GRM7: variants seen among roughly 807,000 people sequenced by gnomAD.
GRM7 encodes the protein glutamate metabotropic receptor 7, also known as metabotropic glutamate receptor 7.
Under a neutral mutation model 84.5 loss-of-function variants are expected in GRM7, and 35 were observed. The ratio of observed to expected loss-of-function variants is 0.41; its 90% CI spans 0.32 to 0.55. The LOEUF (loss-of-function observed/expected upper bound fraction) is 0.55, where lower values mean the gene tolerates loss of function less well. GRM7 is among the 20% of genes least tolerant of loss of function. The pLI is 0.19. For synonymous variants in GRM7, 487 were observed against 455.1 expected, an observed-to-expected ratio of 1.07 and a Z score of -0.89; for missense variants, 1,003 against 1,194.6, an observed-to-expected ratio of 0.84 and a Z score of 2.36.
At chr3:7,035,888 T>C (rs981491754) in intron 1 of GRM7, among the ~76,000 whole-genome samples, 4 of 152,248 alleles carry the variant, frequency 2.6e-5, no homozygotes, top group African/African-American at 9.6e-5. Flanking sequence ...TAAACTTAAA[T>C]TGGTATTTTA....
chr3:7,370,919 CAGTA>C (rs1397707944), intron 4 of GRM7, among the ~76,000 whole-genome samples: 1 of 152,146 alleles, frequency 6.6e-6, no homozygotes, highest in African/African-American at 2.4e-5. Context: ...ATTCAGGATT[CAGTA>C]AATTAATCTA....
chr3:7,689,800 G>GTCAA (rs1266314043), intron 9 of GRM7, among the ~76,000 whole-genome samples: 3 of 152,082 alleles, frequency 2.0e-5, no homozygotes, highest in African/African-American at 7.2e-5. Flanking sequence ...CTTAAATTGG[G>GTCAA]TCAATCAAAG....
chr3:7,194,230 T>C (rs1297672257), intron 2 of GRM7, among the ~76,000 whole-genome samples: 1 of 151,982 alleles, frequency 6.6e-6, no homozygotes, highest in Non-Finnish European at 1.5e-5. Flanking sequence ...GTACACAGAG[T>C]CAATCCTTTC....
chr3:7,474,247 T>G (rs961550982), intron 7 of GRM7, among the ~76,000 whole-genome samples: 2 of 152,176 alleles, frequency 1.3e-5, no homozygotes, highest in South Asian at 2.1e-4. Context: ...ATTCTTCTGT[T>G]GAAATTACAG....
intron 9 of GRM7, among the ~76,000 whole-genome samples, chr3:7,731,343 A>T (rs901025356): frequency 6.6e-6 from 1 of 152,232 alleles, no homozygotes; most frequent in Non-Finnish European, 1.5e-5. Flanking sequence ...AAGTTCCCAC[A>T]TATTTTTCTT....
At chr3:7,531,625 A>C (rs1701039929) in intron 7 of GRM7, among the ~76,000 whole-genome samples, 1 of 152,078 alleles carries the variant, frequency 6.6e-6, no homozygotes, top group Non-Finnish European at 1.5e-5. Context: ...GGTGTATAGG[A>C]ATGCTTGTGA....
At chr3:7,537,800 A>G (rs1374788863) in intron 7 of GRM7, among the ~76,000 whole-genome samples, 1 of 152,202 alleles carries the variant, frequency 6.6e-6, no homozygotes, top group Non-Finnish European at 1.5e-5. Flanking sequence ...ATGCAGATGT[A>G]TATCTTCAGA....
At chr3:7,014,316 TTTTA>T (rs555839500) in intron 1 of GRM7, among the ~76,000 whole-genome samples, 11 of 152,092 alleles carry the variant, frequency 7.2e-5, no homozygotes, top group Non-Finnish European at 7.4e-5. Context: ...ATTAGTAATA[TTTTA>T]TTTATTTATT....
intron 1 of GRM7, among the ~76,000 whole-genome samples, chr3:7,055,854 A>G (rs1433245505): frequency 2.0e-5 from 3 of 151,912 alleles, no homozygotes; most frequent in Middle Eastern, 3.2e-3. Context: ...TACTGAATAT[A>G]TACACACTCA....
At chr3:7,187,333 T>C (rs1272416107) in intron 2 of GRM7, among the ~76,000 whole-genome samples, 1 of 152,196 alleles carries the variant, frequency 6.6e-6, no homozygotes, top group Admixed American at 6.5e-5. Flanking sequence ...TGCTCAGATT[T>C]CTATAAGTAG....
intron 9 of GRM7, among the ~76,000 whole-genome samples, chr3:7,726,625 A>C (rs1156390812): frequency 0.035 from 1,597 of 46,114 alleles, 118 homozygotes; most frequent in African/African-American, 0.13. Flanking sequence ...ATATATATAT[A>C]TATATATATA....
intron 4 of GRM7, among the ~76,000 whole-genome samples, chr3:7,312,860 C>A (rs1332441470): frequency 6.6e-6 from 1 of 152,118 alleles, no homozygotes; most frequent in South Asian, 2.1e-4. Flanking sequence ...TGTGATTGTC[C>A]CAGCCAAACC....
In GRM7 at chr3:7,525,932, C is replaced by T. The variant is rs528633496; in HGVS notation, c.1516-52490C>T. On this transcript the variant is annotated intron_variant, in intron 7 of 9. Transcript: ENST00000357716. ...ATAGTATTCCATGGCATATATGTTA[C>T]GTACCGCAGTTTTTAATCCAATCCA... Among the ~76,000 whole-genome samples, 28 of 152,160 alleles carry T rather than the reference C, an allele frequency of 1.8e-4. No individual in the cohort carries two copies. In the South Asian group the frequency reaches 2.1e-3, roughly 11 times the overall value.
intron 4 of GRM7, among the ~76,000 whole-genome samples, chr3:7,361,387 T>G (rs1209758881): frequency 6.6e-6 from 1 of 152,152 alleles, no homozygotes; most frequent in African/African-American, 2.4e-5. Context: ...ATCTTTGCTT[T>G]ATGTCCTAAC....
At chr3:7,316,187 G>A (rs1343429420) in intron 4 of GRM7, among the ~76,000 whole-genome samples, 3 of 152,076 alleles carry the variant, frequency 2.0e-5, no homozygotes, top group Non-Finnish European at 4.4e-5. Context: ...TGAGGAAGAG[G>A]GAGATGAAGT....
chr3:7,460,125 A>AAAAAAAAAAAT (rs1250538408), intron 6 of GRM7, among the ~76,000 whole-genome samples: 12 of 150,352 alleles, frequency 8.0e-5, no homozygotes, highest in Non-Finnish European at 1.6e-4. Context: ...AAAAAAAAAA[A>AAAAAAAAAAAT]AAAAGATGCC....
At chr3:7,351,199 C>T (rs919417809) in intron 4 of GRM7, among the ~76,000 whole-genome samples, 1 of 151,840 alleles carries the variant, frequency 6.6e-6, no homozygotes, top group African/African-American at 2.4e-5. Context: ...CCTATAATTG[C>T]CAAAGGATAT....
chr3:7,455,104 A>T (rs899021320), intron 6 of GRM7, among the ~76,000 whole-genome samples: 3 of 152,140 alleles, frequency 2.0e-5, no homozygotes, highest in Non-Finnish European at 2.9e-5. Context: ...AAGAGATCCC[A>T]TTGGCCAACT....
intron 4 of GRM7, among the ~76,000 whole-genome samples, chr3:7,407,850 T>C (rs922807991): frequency 6.6e-6 from 1 of 152,198 alleles, no homozygotes; most frequent in African/African-American, 2.4e-5. Context: ...GTTCCTAGTG[T>C]TAAAGTACAA....
Sources: allele counts gnomAD v4.1 joint callset (sites outside exome capture counted in the v4.1 genomes callset), GRCh38; gene constraint gnomAD v4.1.1; transcripts MANE v1.5; gene names NCBI Gene and HGNC (gene_info 2026-07-23, HGNC 2026-07-21).